HSP90AA1: variants seen among roughly 807,000 people sequenced by gnomAD.
HSP90AA1 encodes heat shock protein HSP 90-alpha.
A neutral mutation model predicts 73.3 loss-of-function variants in HSP90AA1; 18 were observed. The ratio of observed to expected loss-of-function variants is 0.25; its 90% CI spans 0.17 to 0.36. The LOEUF (loss-of-function observed/expected upper bound fraction) is 0.36, where lower values mean the gene tolerates loss of function less well. Among genes scored for constraint, HSP90AA1 ranks in the 10% least tolerant of loss-of-function variants. HSP90AA1 has a pLI of 1.00. For missense variants in HSP90AA1, 704 were observed against 874.2 expected, an observed-to-expected ratio of 0.81 and a Z score of 2.45; for synonymous variants, 477 against 296.9, an observed-to-expected ratio of 1.61 and a Z score of -6.24.
chr14:102,132,320 C>A (rs1333068722), intron 1 of HSP90AA1, among the ~76,000 whole-genome samples: 1 of 151,714 alleles, frequency 6.6e-6, no homozygotes, highest in African/African-American at 2.4e-5. Flanking sequence ...TGAGTGGAGA[C>A]CGTACCACTG....
chr14:102,087,473 C>A (rs866555149), upstream of HSP90AA1, among the ~76,000 whole-genome samples: 2 of 151,954 alleles, frequency 1.3e-5, no homozygotes, highest in Non-Finnish European at 2.9e-5. Context: ...GAACGCGGGG[C>A]CGGGGTGGGA....
chr14:102,085,298 A>G lies in HSP90AA1; in HGVS notation c.663T>C (p.Phe221=). 6.2e-7 allele frequency: 1 copy of G among 1,611,644 alleles called. No individual in the cohort carries two copies. Among genetic ancestry groups the G allele is most frequent in the Non-Finnish European group, 8.5e-7 (1 of 1,178,542 alleles). ...ACTCTGCAATTACATAAAAACTTAC[A>G]AAAAGAGTAATGGGATATCCAATAA... The part of the protein sequence containing the change: ...SQFIGYPITL[F]VEKERDKEVS... The change falls in exon 4 of 11, where the codon TTT becomes TTC. Residue 221 remains phenylalanine, a splice_region_variant and synonymous_variant. Coordinates refer to ENST00000216281, the MANE Select transcript of HSP90AA1 (RefSeq NM_005348.4).
At chr14:102,124,798 T>G (rs2049821323) in intron 1 of HSP90AA1, among the ~76,000 whole-genome samples, 1 of 152,226 alleles carries the variant, frequency 6.6e-6, no homozygotes, top group Non-Finnish European at 1.5e-5. Context: ...TTTTATGTAC[T>G]ATACTGTCAC....
At chr14:102,121,714 C>A (rs2152624304) in intron 1 of HSP90AA1, among the ~76,000 whole-genome samples, 1 of 152,244 alleles carries the variant, frequency 6.6e-6, no homozygotes, top group Non-Finnish European at 1.5e-5. Context: ...AAACAATGAG[C>A]ACCCTGGAGT....
chr14:102,084,124 C>T (rs2049163505), intron 6 of HSP90AA1, 141 bp from the exon 7 acceptor site: 4 of 784,402 alleles, frequency 5.1e-6, no homozygotes, highest in Admixed American at 2.0e-5. Flanking sequence ...GGCTGGAGGG[C>T]AGTGGCGCAA....
chr14:102,083,674 G>A lies in HSP90AA1; in HGVS notation c.1358C>T (p.Ser453Phe), dbSNP rs766810699. 1.2e-6 allele frequency: 2 copies of A among 1,611,718 alleles called. No individual in the cohort carries two copies. Among genetic ancestry groups the A allele is most frequent in the Admixed American group, 1.7e-5 (1 of 59,792 alleles). ...KNIKLGIHED[S>F]QNRKKLSELL... ...CTCTGAAAGCTTCTTCCGATTTTGA[G>A]AGTCTTCGTGTATTCCAAGCTGAAA... The change falls in exon 8 of 11, where the codon TCT becomes TTT. Residue 453 changes from serine (S) to phenylalanine (F), a missense_variant. Ser to Phe is a radical substitution (Grantham distance 155). Transcript: ENST00000216281.
At chr14:102,116,458 G>A (rs1036910788) in intron 1 of HSP90AA1, among the ~76,000 whole-genome samples, 5 of 152,290 alleles carry the variant, frequency 3.3e-5, no homozygotes, top group African/African-American at 9.6e-5. Flanking sequence ...AAGCAGTGGC[G>A]GCAGGGGCAG....
chr14:102,126,846 T>C (rs2049845920), intron 1 of HSP90AA1, among the ~76,000 whole-genome samples: 1 of 152,182 alleles, frequency 6.6e-6, no homozygotes, highest in Non-Finnish European at 1.5e-5. Context: ...TCTTTTAATA[T>C]CATAAACTGT....
chr14:102,097,142 A>G (rs942245244), intron 2 of HSP90AA1, among the ~76,000 whole-genome samples: 1 of 151,898 alleles, frequency 6.6e-6, no homozygotes, highest in Non-Finnish European at 1.5e-5. Flanking sequence ...GCCCACTACC[A>G]CACCTTGCTA....
intron 1 of HSP90AA1, among the ~76,000 whole-genome samples, chr14:102,120,527 T>C (rs543514298): frequency 6.6e-6 from 1 of 152,262 alleles, no homozygotes; most frequent in South Asian, 2.1e-4. Context: ...ACTCTAACTT[T>C]AACACAAGAA....
chr14:102,137,107 G>A (rs902498437), intron 1 of HSP90AA1, among the ~76,000 whole-genome samples: 9 of 151,794 alleles, frequency 5.9e-5, no homozygotes, highest in East Asian at 2.0e-4. Context: ...CCAGCTATTC[G>A]GGAGACTGGG....
At chr14:102,138,049 G>C (rs2050060398) in intron 1 of HSP90AA1, among the ~76,000 whole-genome samples, 1 of 151,696 alleles carries the variant, frequency 6.6e-6, no homozygotes, top group Non-Finnish European at 1.5e-5. Flanking sequence ...GGCTATGCAT[G>C]AGACAAAGTG....
At chr14:102,105,640 T>G (rs1394241314) in intron 1 of HSP90AA1, among the ~76,000 whole-genome samples, 2 of 152,154 alleles carry the variant, frequency 1.3e-5, no homozygotes, top group African/African-American at 2.4e-5. Flanking sequence ...CTGCAAGGTG[T>G]GGGCTTGCCT....
In HSP90AA1 at chr14:102,085,619, C is replaced by T. The variant is rs1435885669; in HGVS notation, c.529+139G>A. ...CCGCCCACCAAGTCATGCCATTACA[C>T]TAATTAAGTGCTCTAGCTTGTTCCT... On this transcript the variant is annotated intron_variant, in intron 3 of 10. Coordinates refer to ENST00000216281, the MANE Select transcript of HSP90AA1 (RefSeq NM_005348.4). 16 of 1,365,952 alleles carry T rather than the reference C, an allele frequency of 1.2e-5. No homozygotes were observed. The Admixed American group carries it at 2.3e-4, about 20-fold the overall frequency. 84.6% of individuals were successfully genotyped at this position (1,365,952 alleles called of 1,614,324 possible). A position where few individuals can be genotyped will look rare whatever the true frequency, so the allele number is the denominator to read the frequency against.
chr14:102,098,621 A>G (rs1486577795), intron 2 of HSP90AA1, among the ~76,000 whole-genome samples: 1 of 151,330 alleles, frequency 6.6e-6, no homozygotes, highest in African/African-American at 2.4e-5. Flanking sequence ...GTGCCACCAC[A>G]CCCCGCTAAT....
upstream of HSP90AA1, among the ~76,000 whole-genome samples, chr14:102,091,622 T>C (rs1225219370): frequency 6.6e-6 from 1 of 151,686 alleles, no homozygotes; most frequent in African/African-American, 2.4e-5. Flanking sequence ...TGAGACTGTC[T>C]CAAAAAAACA....
Position 102,105,276 on chromosome 14 carries a change from G to A in HSP90AA1, c.156-3191C>T, listed in dbSNP as rs1393001192. The stretch of plus-strand genomic sequence containing the variant: ...CTGATCTAGTTTACAATGTCCAGGC[G>A]CTTTGCTAGGGCTGGGGATTCAAAG... On this transcript the variant is annotated intron_variant, in intron 1 of 11. Transcript: ENST00000334701. 3.3e-5 allele frequency among the ~76,000 whole-genome samples: 5 copies of A among 150,672 alleles called. No individual in the cohort carries two copies. The East Asian group carries it at 5.8e-4, about 18-fold the overall frequency.
Position 102,086,979 on chromosome 14 carries a change from C to G in HSP90AA1, c.-1+7G>C, listed in dbSNP as rs1227752763. The G allele has an allele frequency of 4.1e-6, 4 of 985,306 alleles. No homozygotes were observed. The highest frequency in any genetic ancestry group is 3.6e-6 in the Non-Finnish European group (3 of 830,168). 61.0% of individuals were successfully genotyped at this position (985,306 alleles called of 1,614,324 possible). On this transcript the variant is annotated splice_region_variant and intron_variant, in intron 1 of 10. Transcript: ENST00000216281. Reference sequence around the variant, plus strand: ...CACCTCCACAGGCCCCCACAACCACCCGTCACCTTGGCTAAGTGACCGCAC... The same window carrying G: ...CACCTCCACAGGCCCCCACAACCACGCGTCACCTTGGCTAAGTGACCGCAC...
chr14:102,139,368 G>A lies in HSP90AA1; in HGVS notation c.37C>T (p.Pro13Ser), dbSNP rs201793224. ...TCCCTGTCCCGAAGGGAGGGCCCAG[G>A]AGGGGTGGAGCCGTCCCCGCCCGAA... The change falls in exon 1 of 12, where the codon CCT (proline) becomes TCT (serine). Residue 13 changes from proline to serine, a missense_variant. Transcript: ENST00000334701. The A allele has an allele frequency of 2.9e-3, 4,696 of 1,603,594 alleles. 11 individuals carry two copies. Among genetic ancestry groups the A allele is most frequent in the Non-Finnish European group, 3.6e-3 (4,243 of 1,175,888 alleles).
Sources: allele counts gnomAD v4.1 joint callset (sites outside exome capture counted in the v4.1 genomes callset), GRCh38; gene constraint gnomAD v4.1.1; transcripts MANE v1.5; gene names NCBI Gene and HGNC (gene_info 2026-07-23, HGNC 2026-07-21).